Variants in EBF1 observed in about 807,000 individuals in gnomAD.
EBF1 encodes transcription factor COE1.
EBF1 carries 10 observed loss-of-function variants against 68.4 expected under a neutral mutation model. The ratio of observed to expected loss-of-function variants is 0.15; its 90% confidence interval spans 0.09 to 0.25. EBF1 has a LOEUF of 0.25. EBF1 is among the 10% of genes least tolerant of loss of function. EBF1 has a pLI of 1.00. For synonymous variants in EBF1, 298 were observed against 299.8 expected (o/e 0.99, Z 0.06); for missense variants, 509 against 794.4 (o/e 0.64, Z 4.32).
intron 10 of EBF1, among the ~76,000 whole-genome samples, chr5:158,739,340 G>A (rs1207583089): frequency 6.6e-6 from 1 of 152,188 alleles, no homozygotes; most frequent in Non-Finnish European, 1.5e-5. Flanking sequence ...CTCTCTAAGT[G>A]TACTACAGTT....
chr5:158,809,384 T>G (rs767243500), intron 8 of EBF1, among the ~76,000 whole-genome samples: 1 of 152,144 alleles, frequency 6.6e-6, no homozygotes, highest in African/African-American at 2.4e-5. Context: ...ACGCTTCAAC[T>G]TTGGTGTTTA....
intron 10 of EBF1, among the ~76,000 whole-genome samples, chr5:158,764,841 T>G (rs181273239): frequency 6.6e-6 from 1 of 152,160 alleles, no homozygotes; most frequent in African/African-American, 2.4e-5. Flanking sequence ...AGGATACAGA[T>G]CTGATATCAG....
At chr5:158,713,935 G>A (rs1214400333) in intron 12 of EBF1, among the ~76,000 whole-genome samples, 182 bp downstream of exon 12, 1 of 152,082 alleles carries the variant, frequency 6.6e-6, no homozygotes, top group Non-Finnish European at 1.5e-5. Flanking sequence ...CAGTGGAAAG[G>A]GCAATAAAAG....
At chr5:158,948,364 A>G (rs1352802094) in intron 6 of EBF1, among the ~76,000 whole-genome samples, 1 of 152,098 alleles carries the variant, frequency 6.6e-6, no homozygotes, top group Non-Finnish European at 1.5e-5. Context: ...AGAGGGATGT[A>G]CACTGGAATG....
At chr5:158,938,770 T>C (rs1396576016) in intron 6 of EBF1, among the ~76,000 whole-genome samples, 4 of 152,174 alleles carry the variant, frequency 2.6e-5, no homozygotes, top group Non-Finnish European at 5.9e-5. Context: ...TCTCTAAACC[T>C]AATTACCTCC....
At chr5:158,763,973 T>A (rs889387736) in intron 10 of EBF1, among the ~76,000 whole-genome samples, 3 of 152,208 alleles carry the variant, frequency 2.0e-5, no homozygotes, top group African/African-American at 7.2e-5. Context: ...GCAACTGTTC[T>A]CTTGGATGCT....
chr5:158,914,888 G>A (rs1448873228), intron 6 of EBF1, among the ~76,000 whole-genome samples: 1 of 152,110 alleles, frequency 6.6e-6, no homozygotes, highest in African/African-American at 2.4e-5. Context: ...CATACTTAAT[G>A]GACGACCCTC....
At chr5:158,803,565 T>A (rs1329793157) in intron 8 of EBF1, among the ~76,000 whole-genome samples, 1 of 152,024 alleles carries the variant, frequency 6.6e-6, no homozygotes, top group Non-Finnish European at 1.5e-5. Flanking sequence ...TCCAACTGGA[T>A]GCTTTAGAAA....
intron 6 of EBF1, among the ~76,000 whole-genome samples, chr5:158,947,894 G>A (rs1815128661): frequency 6.6e-6 from 1 of 152,154 alleles, no homozygotes; most frequent in South Asian, 2.1e-4. Flanking sequence ...CTAAATCGCT[G>A]AAGCATCCTT....
chr5:158,870,466 T>C (rs1796685000), intron 6 of EBF1, among the ~76,000 whole-genome samples: 1 of 152,110 alleles, frequency 6.6e-6, no homozygotes, highest in South Asian at 2.1e-4. Flanking sequence ...GGAAGATCCC[T>C]GGAGCTCAGG....
intron 6 of EBF1, among the ~76,000 whole-genome samples, chr5:159,010,747 G>T (rs1764490249): frequency 6.6e-6 from 1 of 152,184 alleles, no homozygotes; most frequent in African/African-American, 2.4e-5. Flanking sequence ...CCAAAGGAGG[G>T]CAGGGAAACG....
intron 6 of EBF1, among the ~76,000 whole-genome samples, chr5:158,968,495 G>A (rs1242142867): frequency 4.6e-5 from 7 of 152,332 alleles, no homozygotes; most frequent in Admixed American, 2.6e-4. Context: ...GACACAGAAT[G>A]TCTCTTGTTT....
chr5:158,709,327 A>ATTT (rs113894439), intron 14 of EBF1, among the ~76,000 whole-genome samples: 75 of 148,018 alleles, frequency 5.1e-4, no homozygotes, highest in African/African-American at 1.8e-3. Context: ...TATCACATAT[A>ATTT]TTTTTTTTTT....
chr5:158,966,953 GT>G (rs1441338111), intron 6 of EBF1, among the ~76,000 whole-genome samples: 3 of 152,318 alleles, frequency 2.0e-5, no homozygotes, highest in African/African-American at 7.2e-5. Flanking sequence ...CAGATGTCAA[GT>G]ATATGATAAA....
intron 10 of EBF1, among the ~76,000 whole-genome samples, chr5:158,775,858 T>C (rs1028877921): frequency 3.6e-5 from 5 of 138,592 alleles, no homozygotes; most frequent in South Asian, 2.3e-4. Flanking sequence ...ATGGGAAAAA[T>C]GAATGGCAAG....
intron 6 of EBF1, among the ~76,000 whole-genome samples, chr5:158,844,033 G>A (rs906769154): frequency 1.1e-4 from 17 of 152,060 alleles, no homozygotes; most frequent in Non-Finnish European, 5.9e-5. Flanking sequence ...GTTTGATAAA[G>A]TGTTGTCAGG....
chr5:158,851,299 T>C (rs1792594470), intron 6 of EBF1, among the ~76,000 whole-genome samples: 1 of 137,058 alleles, frequency 7.3e-6, no homozygotes, highest in Admixed American at 8.5e-5. Context: ...CACTTGAACC[T>C]AGGAGGTAGA....
chr5:158,697,538 G>A lies in EBF1; in HGVS notation c.*1573C>T. On this transcript the variant is annotated 3_prime_UTR_variant, in exon 16 of 16. Transcript: ENST00000313708. ...GGAAGAGGAAGAAGGGAAAAGCAAT[G>A]TACAAATTCGAAAGATAAATACATT... 4.8e-6 allele frequency: 1 copy of A among 207,868 alleles called. No individual in the cohort carries two copies. The highest frequency in any genetic ancestry group is 9.8e-6 in the Non-Finnish European group (1 of 101,878). The allele number at this position is 207,868 out of a possible 1,614,324, so 12.9% of individuals were successfully genotyped here.
At chr5:159,024,020 G>T (rs1320489024) in intron 6 of EBF1, among the ~76,000 whole-genome samples, 1 of 152,098 alleles carries the variant, frequency 6.6e-6, no homozygotes, top group Non-Finnish European at 1.5e-5. Context: ...AGCAAGGAAA[G>T]AGAAATTGTC....
Sources: gnomAD v4.1 joint callset for allele counts (sites outside exome capture counted in the v4.1 genomes callset) on GRCh38, gnomAD v4.1.1 for gene constraint, MANE v1.5 for transcripts, NCBI Gene and HGNC (gene_info 2026-07-23, HGNC 2026-07-21) for gene names.